The following C2CD5 variants were observed in gnomAD, a reference collection of about 807,000 sequenced individuals.
The protein encoded by C2CD5 is C2 calcium dependent domain containing 5.
In C2CD5, 109 loss-of-function variants were observed where a neutral mutation model predicts 130.3. The observed-to-expected ratio is 0.84, with a 90% CI of 0.72 to 0.98. The LOEUF is 0.98. Ranked by LOEUF, C2CD5 falls within the 50% of genes least tolerant of loss-of-function variation. The probability of loss-of-function intolerance (pLI) is 0.00; values close to 1 mark genes in which losing one functional copy is unlikely to be tolerated. For missense variants in C2CD5, 996 were observed against 1,261.8 expected (o/e 0.79, Z 3.19); for synonymous variants, 454 against 429.2 (o/e 1.06, Z -0.71).
intron 4 of C2CD5, 139 bp downstream of exon 4, chr12:22,527,582 T>C: frequency 6.3e-6 from 3 of 473,294 alleles, no homozygotes; most frequent in Non-Finnish European, 7.3e-6. Context: ...CCTCCCAAAG[T>C]GCTGGGATTA....
chr12:22,502,438 T>C (rs1256059695), intron 10 of C2CD5, among the ~76,000 whole-genome samples: 9 of 152,278 alleles, frequency 5.9e-5, no homozygotes, highest in African/African-American at 1.7e-4. Flanking sequence ...TTACCTGATA[T>C]AGAAAACCAT....
At chr12:22,540,133 C>T (rs1212426613) in intron 2 of C2CD5, among the ~76,000 whole-genome samples, 1 of 152,082 alleles carries the variant, frequency 6.6e-6, no homozygotes, top group Non-Finnish European at 1.5e-5. Flanking sequence ...TCTGCTTTTT[C>T]CCATGAGTTG....
At chr12:22,451,745 C>G (rs1399892141) in intron 26 of C2CD5, among the ~76,000 whole-genome samples, 1 of 151,622 alleles carries the variant, frequency 6.6e-6, no homozygotes, top group African/African-American at 2.4e-5. Flanking sequence ...TGCAATCTAC[C>G]TCTTGGGCAT....
intron 3 of C2CD5, among the ~76,000 whole-genome samples, chr12:22,528,112 C>G (rs1040501964): frequency 6.6e-6 from 1 of 152,150 alleles, no homozygotes; most frequent in African/African-American, 2.4e-5. Context: ...TCTCTCAGCA[C>G]AAGACTGGGA....
chr12:22,487,301 A>T (rs1346424187), intron 12 of C2CD5, among the ~76,000 whole-genome samples: 1 of 152,176 alleles, frequency 6.6e-6, no homozygotes, highest in Non-Finnish European at 1.5e-5. Flanking sequence ...TTTGCAATCT[A>T]TCCATCTGAC....
At chr12:22,470,722 A>G (rs1291892979) in intron 21 of C2CD5, 102 bp downstream of exon 21, 4 of 694,302 alleles carry the variant, frequency 5.8e-6, no homozygotes, top group Non-Finnish European at 9.9e-6. Context: ...AATATTCTTC[A>G]AGAAATAAGT....
Position 22,524,624 on chromosome 12 carries a change from G to A in C2CD5, c.449C>T (p.Thr150Met), listed in dbSNP as rs146314848. The A allele has an allele frequency of 2.7e-5, 44 of 1,605,928 alleles. 1 individual carries two copies. In the Admixed American group the frequency reaches 4.4e-4, roughly 16 times the overall value. Residue 150 changes from threonine (T) to methionine (M), a missense_variant, in exon 6 of 27, where the codon ACG becomes ATG. Thr to Met is a moderately conservative substitution (Grantham distance 81). Transcript: ENST00000446597. ...SSCGVKFFCT[T>M]SIPKCYRAVI... ...AGCTCTATAGCATTTTGGAATAGACGTTGCTGTTAAAACAAATTATTATGC... is the reference window on the plus strand; with the variant it reads ...AGCTCTATAGCATTTTGGAATAGACATTGCTGTTAAAACAAATTATTATGC...
rs1180307400 is a variant in C2CD5 at position 22,484,837 on chromosome 12, A to G, written c.1410T>C (p.Asp470=). ...GAGCTGGAAATGGCATATTCAGTTC[A>G]TCATATGGTATATGACAAAATCCAC... ...TRCGFCHIPY[D]ELNMPFPAHL... The change falls in exon 13 of 27, where the codon GAT becomes GAC. Residue 470 remains aspartate (D), a synonymous_variant. Coordinates refer to ENST00000446597, the MANE Select transcript of C2CD5 (RefSeq NM_001286176.2). 1 of 1,604,972 alleles carries G rather than the reference A, an allele frequency of 6.2e-7. No homozygotes were observed. Among genetic ancestry groups the G allele is most frequent in the East Asian group, 2.2e-5 (1 of 44,572 alleles).
At chr12:22,473,689 A>G (rs147740842) in intron 16 of C2CD5, among the ~76,000 whole-genome samples, 1 of 152,248 alleles carries the variant, frequency 6.6e-6, no homozygotes, top group Non-Finnish European at 1.5e-5. Flanking sequence ...AAAGTTTGTT[A>G]AACAGATTCC....
chr12:22,535,019 C>CAAT (rs139454309), intron 3 of C2CD5: 1 of 308,078 alleles, frequency 3.2e-6, no homozygotes, highest in Non-Finnish European at 5.9e-6. Context: ...GAGAAAACTA[C>CAAT]AATAATAATA....
chr12:22,537,474 C>T (rs1592044076), intron 2 of C2CD5, among the ~76,000 whole-genome samples: 1 of 152,240 alleles, frequency 6.6e-6, no homozygotes, highest in South Asian at 2.1e-4. Flanking sequence ...ATGATTTCCA[C>T]TCTAGTACAG....
chr12:22,535,136 A>G, intron 3 of C2CD5, 122 bp downstream of exon 3: 3 of 666,788 alleles, frequency 4.5e-6, no homozygotes, highest in Non-Finnish European at 8.0e-6. Context: ...TAAGCAGAAA[A>G]GAAAATATTT....
chr12:22,484,674 G>A (rs758124087), intron 13 of C2CD5, 23 bp downstream of exon 13: 43 of 1,395,622 alleles, frequency 3.1e-5, no homozygotes, highest in South Asian at 9.1e-5. Flanking sequence ...CAGGGACACC[G>A]AGTGTTGTTT....
chr12:22,472,884 A>G (rs1591989468), intron 16 of C2CD5, 77 bp from the exon 17 acceptor site: 1 of 827,082 alleles, frequency 1.2e-6, no homozygotes, highest in East Asian at 2.5e-5. Flanking sequence ...CTATTAATAG[A>G]GTCAAGAAAA....
intron 8 of C2CD5, among the ~76,000 whole-genome samples, chr12:22,515,387 T>G (rs953458955): frequency 1.3e-5 from 2 of 152,164 alleles, no homozygotes; most frequent in Non-Finnish European, 2.9e-5. Flanking sequence ...TCATTAAAAT[T>G]TTTTAAATCA....
At chr12:22,451,053 T>G (rs891511217) in intron 26 of C2CD5, among the ~76,000 whole-genome samples, 1 of 152,012 alleles carries the variant, frequency 6.6e-6, no homozygotes, top group African/African-American at 2.4e-5. Flanking sequence ...TCTCTCTGGT[T>G]ACACACTCTG....
chr12:22,525,740 TAAGA>T (rs754418748), intron 4 of C2CD5, 35 bp from the exon 5 acceptor site: 17 of 960,562 alleles, frequency 1.8e-5, no homozygotes, highest in Admixed American at 1.1e-4. Context: ...GTTTCTACCT[TAAGA>T]AAGTAATGTA....
At chr12:22,470,710 C>A in intron 21 of C2CD5, 114 bp downstream of exon 21, 1 of 649,436 alleles carries the variant, frequency 1.5e-6, no homozygotes, top group Non-Finnish European at 2.7e-6. Context: ...GAAAAAGCAG[C>A]AAATATTCTT....
In C2CD5 at chr12:22,470,849, G is replaced by T. The variant is rs1441719126; in HGVS notation, c.2421C>A (p.Thr807=). The part of the protein sequence containing the change: ...DKNQALQTTK[T]PVEKSLQRAS... ...CTCTTTGCAATGACTTTTCAACAGG[G>T]GTTTTTGTGGTTTGTAAAGCCTGAT... The change falls in exon 21 of 27, where the codon ACC becomes ACA. Residue 807 remains threonine (T), a synonymous_variant. Transcript: ENST00000446597. The T allele has an allele frequency of 6.2e-7, 1 of 1,610,892 alleles. No homozygotes were observed. Among genetic ancestry groups the T allele is most frequent in the Non-Finnish European group, 8.5e-7 (1 of 1,177,474 alleles).
Sources: gnomAD v4.1 joint callset for allele counts (sites outside exome capture counted in the v4.1 genomes callset) on GRCh38, gnomAD v4.1.1 for gene constraint, MANE v1.5 for transcripts, NCBI Gene and HGNC (gene_info 2026-07-23, HGNC 2026-07-21) for gene names.